Variants in PTPRD observed in about 807,000 individuals in gnomAD.
PTPRD encodes protein tyrosine phosphatase receptor type D, also known as receptor-type tyrosine-protein phosphatase delta.
PTPRD carries 34 observed loss-of-function variants against 214.5 expected under a neutral mutation model. The observed-to-expected ratio is 0.16, with a 90% confidence interval of 0.12 to 0.21. The LOEUF (loss-of-function observed/expected upper bound fraction) is 0.21, where lower values mean the gene tolerates loss of function less well. PTPRD is among the 10% of genes least tolerant of loss of function. PTPRD has a pLI of 1.00. For missense variants in PTPRD, 2,545 were observed against 2,398.7 expected (o/e 1.06, Z -1.27); for synonymous variants, 1,128 against 845.7 (o/e 1.33, Z -5.79).
chr9:10,033,671 T>C (rs1035051271), intron 4 of PTPRD, 47 bp downstream of exon 4: 1 of 152,074 alleles, frequency 6.6e-6, no homozygotes, highest in Non-Finnish European at 1.5e-5. Context: ...CCAAAGACTG[T>C]ATTAAATTGA....
intron 10 of PTPRD, among the ~76,000 whole-genome samples, chr9:9,152,878 G>C (rs1372453714): frequency 6.6e-6 from 1 of 152,180 alleles, no homozygotes; most frequent in Non-Finnish European, 1.5e-5. Context: ...GAACCGATGA[G>C]AGGGGCACAC....
At chr9:10,268,571 T>C (rs976811600) in intron 3 of PTPRD, among the ~76,000 whole-genome samples, 3 of 152,134 alleles carry the variant, frequency 2.0e-5, no homozygotes, top group Admixed American at 6.6e-5. Flanking sequence ...CTAACACAGA[T>C]AGATTGATCT....
intron 10 of PTPRD, among the ~76,000 whole-genome samples, chr9:9,164,935 C>T (rs1306259553): frequency 6.6e-6 from 1 of 151,964 alleles, no homozygotes; most frequent in African/African-American, 2.4e-5. Context: ...CACCTGTAAT[C>T]CCAGCTACTT....
intron 10 of PTPRD, among the ~76,000 whole-genome samples, chr9:9,079,550 G>T (rs541540274): frequency 9.2e-5 from 14 of 152,136 alleles, no homozygotes; most frequent in African/African-American, 3.1e-4. Context: ...AGTTGCATTT[G>T]TAGTTGTTTG....
intron 2 of PTPRD, among the ~76,000 whole-genome samples, chr9:10,537,754 T>C (rs2058172762): frequency 6.6e-6 from 1 of 152,144 alleles, no homozygotes; most frequent in Non-Finnish European, 1.5e-5. Flanking sequence ...TTCTCTCTTA[T>C]AATCTCATAA....
At chr9:10,066,335 C>G (rs2097883990) in intron 3 of PTPRD, among the ~76,000 whole-genome samples, 2 of 151,526 alleles carry the variant, frequency 1.3e-5, no homozygotes, top group Non-Finnish European at 2.9e-5. Context: ...AATTTAACAC[C>G]CGTTTCAATG....
intron 11 of PTPRD, among the ~76,000 whole-genome samples, chr9:8,986,773 G>A (rs923789171): frequency 6.6e-6 from 1 of 152,014 alleles, no homozygotes; most frequent in South Asian, 2.1e-4. Context: ...AAATGTTTTT[G>A]CATGCTAATA....
At chr9:9,365,491 G>A (rs531639932) in intron 9 of PTPRD, among the ~76,000 whole-genome samples, 23 of 151,528 alleles carry the variant, frequency 1.5e-4, no homozygotes, top group South Asian at 2.1e-4. Flanking sequence ...GTGCTTTTCT[G>A]CTGAGGATGT....
chr9:10,064,628 C>T (rs1437758265), intron 3 of PTPRD, among the ~76,000 whole-genome samples: 2 of 151,774 alleles, frequency 1.3e-5, no homozygotes, highest in Non-Finnish European at 2.9e-5. Context: ...AAACATCCTC[C>T]CTCTTACAAA....
chr9:9,991,976 C>T (rs73406436), intron 4 of PTPRD, among the ~76,000 whole-genome samples: 3,820 of 152,088 alleles, frequency 0.025, 174 homozygotes, highest in African/African-American at 0.087. Flanking sequence ...TACAACATAA[C>T]GAACCTCAAA....
chr9:8,849,825 T>C (rs2097777833), intron 11 of PTPRD, among the ~76,000 whole-genome samples: 1 of 152,152 alleles, frequency 6.6e-6, no homozygotes, highest in East Asian at 1.9e-4. Flanking sequence ...TGTTGAGTAT[T>C]GAGCACTTGA....
intron 14 of PTPRD, among the ~76,000 whole-genome samples, chr9:8,573,824 G>A (rs1305278083): frequency 1.3e-5 from 2 of 151,806 alleles, no homozygotes; most frequent in African/African-American, 4.8e-5. Flanking sequence ...TCAATATTAT[G>A]ATTAAAACAT....
chr9:10,062,548 G>C (rs1453247821), intron 3 of PTPRD, among the ~76,000 whole-genome samples: 1 of 152,072 alleles, frequency 6.6e-6, no homozygotes, highest in East Asian at 1.9e-4. Context: ...AGAGGTTGCA[G>C]TTAGCCAAGA....
intron 12 of PTPRD, among the ~76,000 whole-genome samples, chr9:8,676,310 C>G (rs934310274): frequency 6.6e-6 from 1 of 152,004 alleles, no homozygotes; most frequent in African/African-American, 2.4e-5. Context: ...GGAGCTTACC[C>G]TCCATTATAG....
chr9:8,960,176 G>A (rs907957927), intron 11 of PTPRD, among the ~76,000 whole-genome samples: 1 of 152,056 alleles, frequency 6.6e-6, no homozygotes, highest in East Asian at 1.9e-4. Context: ...AATGGTGATA[G>A]TATTAGTTCT....
intron 14 of PTPRD, among the ~76,000 whole-genome samples, chr9:8,546,523 G>C (rs1007594065): frequency 6.6e-6 from 1 of 151,368 alleles, no homozygotes; most frequent in Non-Finnish European, 1.5e-5. Context: ...TTGTGAGACA[G>C]AGTCTCACTC....
chr9:9,485,466 G>A (rs1023745879), intron 8 of PTPRD, among the ~76,000 whole-genome samples: 3 of 152,122 alleles, frequency 2.0e-5, no homozygotes, highest in Admixed American at 6.5e-5. Context: ...TTAGTGCATA[G>A]CTCATTTTCA....
chr9:8,389,364 C>G lies in PTPRD; in HGVS notation c.4254G>C (p.Gly1418=), dbSNP rs2279776. ...SDYVNANYID[G]YRKQNAYIAT... is the part of the protein sequence containing the mutation. The stretch of plus-strand genomic sequence containing the variant: ...CAATATAGGCATTTTGCTTCCTATA[C>G]CCATCTATGTAGTTGGCATTCACAT... Residue 1418 remains glycine (G), a synonymous_variant, in exon 37 of 46, where the codon GGG becomes GGC. Coordinates refer to ENST00000381196, the MANE Select transcript of PTPRD (RefSeq NM_002839.4). 0.45 allele frequency: 730,249 copies of G among 1,611,518 alleles called. 168,428 individuals are homozygous for G. The highest frequency in any genetic ancestry group is 0.62 in the East Asian group (27,883 of 44,744).
intron 2 of PTPRD, among the ~76,000 whole-genome samples, chr9:10,448,908 C>A (rs1413237280): frequency 1.3e-5 from 2 of 152,042 alleles, no homozygotes; most frequent in African/African-American, 2.4e-5. Flanking sequence ...AATTTAGAGT[C>A]TTTGCAAATA....
Sources: gnomAD v4.1 joint callset for allele counts (sites outside exome capture counted in the v4.1 genomes callset) on GRCh38, gnomAD v4.1.1 for gene constraint, MANE v1.5 for transcripts, NCBI Gene and HGNC (gene_info 2026-07-23, HGNC 2026-07-21) for gene names.